The following GALNT13 variants were observed in gnomAD, a reference collection of about 807,000 sequenced individuals.
The protein encoded by GALNT13 is UDP-GalNAc:polypeptide N-acetylgalactosaminyltransferase 13.
GALNT13 carries 28 observed loss-of-function variants against 64.2 expected under a neutral mutation model. The observed-to-expected ratio is 0.44, with a 90% CI of 0.32 to 0.60. The LOEUF (loss-of-function observed/expected upper bound fraction) is 0.60. Ranked by LOEUF, GALNT13 falls within the 20% of genes least tolerant of loss-of-function variation. GALNT13 has a pLI of 0.05. For missense variants in GALNT13, 577 were observed against 669.8 expected, an observed-to-expected ratio of 0.86 and a Z score of 1.53; for synonymous variants, 214 against 224.6, an observed-to-expected ratio of 0.95 and a Z score of 0.42.
chr2:154,056,741 A>C (rs1237993914), intron 3 of GALNT13, among the ~76,000 whole-genome samples: 1 of 152,126 alleles, frequency 6.6e-6, no homozygotes, highest in East Asian at 1.9e-4. Flanking sequence ...GTTAGAGTTT[A>C]TATGTATCAT....
At chr2:153,535,144 G>C in the GALNT13 span, among the ~76,000 whole-genome samples, 1 of 152,018 alleles carries the variant, frequency 6.6e-6, no homozygotes, top group East Asian at 1.9e-4. Flanking sequence ...TGTGGTAAGG[G>C]GTGATATTGT....
chr2:154,185,961 T>A (rs887329478), intron 4 of GALNT13, among the ~76,000 whole-genome samples: 11 of 152,176 alleles, frequency 7.2e-5, no homozygotes, highest in Middle Eastern at 3.4e-3. Context: ...TTTACTTAAT[T>A]ATTACAGTCT....
At chr2:154,369,573 C>T (rs1697565394) in intron 9 of GALNT13, among the ~76,000 whole-genome samples, 1 of 151,968 alleles carries the variant, frequency 6.6e-6, no homozygotes, top group Admixed American at 6.6e-5. Flanking sequence ...ATATTTGGCC[C>T]CTCCAAAGTT....
At chr2:153,323,595 T>C in the GALNT13 span, among the ~76,000 whole-genome samples, 1 of 152,162 alleles carries the variant, frequency 6.6e-6, no homozygotes, top group Admixed American at 6.5e-5. Flanking sequence ...ATTGCCTAGG[T>C]TTTCTTCTAG....
chr2:154,131,946 C>A (rs1244490213), intron 3 of GALNT13, among the ~76,000 whole-genome samples: 1 of 152,158 alleles, frequency 6.6e-6, no homozygotes, highest in Non-Finnish European at 1.5e-5. Flanking sequence ...CTTGGAGTAC[C>A]ATGTTCGAGG....
chr2:154,422,955 C>T (rs963975679), intron 11 of GALNT13, among the ~76,000 whole-genome samples: 1 of 151,984 alleles, frequency 6.6e-6, no homozygotes, highest in Middle Eastern at 3.2e-3. Context: ...GGTACATGTG[C>T]ACAATGTGCA....
chr2:153,376,499 A>G, the GALNT13 span, among the ~76,000 whole-genome samples: 1 of 152,186 alleles, frequency 6.6e-6, no homozygotes, highest in African/African-American at 2.4e-5. Context: ...GGTGTCTGGT[A>G]TAAGATTGTT....
the GALNT13 span, among the ~76,000 whole-genome samples, chr2:153,630,341 G>C: frequency 5.9e-4 from 90 of 151,824 alleles, no homozygotes; most frequent in Non-Finnish European, 9.4e-4. Context: ...AGTTCATGTC[G>C]TTTGTAGGGA....
chr2:153,624,716 A>G, the GALNT13 span, among the ~76,000 whole-genome samples: 1 of 152,100 alleles, frequency 6.6e-6, no homozygotes, highest in Non-Finnish European at 1.5e-5. Context: ...ATAGCTTTCA[A>G]ACCTTGTGGT....
chr2:153,993,201 ATTAAG>A (rs1695279820), intron 3 of GALNT13, among the ~76,000 whole-genome samples: 1 of 152,194 alleles, frequency 6.6e-6, no homozygotes, highest in Non-Finnish European at 1.5e-5. Flanking sequence ...TATTGTATAT[ATTAAG>A]TTTTTATGTG....
chr2:153,316,228 G>A, the GALNT13 span, among the ~76,000 whole-genome samples: 2 of 152,016 alleles, frequency 1.3e-5, no homozygotes, highest in African/African-American at 4.8e-5. Context: ...ATATAAAATG[G>A]TATAACCAAT....
chr2:153,720,520 G>A, the GALNT13 span, among the ~76,000 whole-genome samples: 365 of 150,698 alleles, frequency 2.4e-3, 7 homozygotes, highest in Non-Finnish European at 8.5e-4. Context: ...TCTGAGCTAC[G>A]GGAGGACATT....
At chr2:154,433,701 T>C (rs1442385104) in intron 11 of GALNT13, among the ~76,000 whole-genome samples, 1 of 150,638 alleles carries the variant, frequency 6.6e-6, no homozygotes. Context: ...TACTAAACAG[T>C]ATATTCTAAT....
intron 12 of GALNT13, among the ~76,000 whole-genome samples, chr2:154,445,578 A>T (rs1236484504): frequency 6.6e-6 from 1 of 151,962 alleles, no homozygotes; most frequent in Non-Finnish European, 1.5e-5. Flanking sequence ...AGTTAACAAT[A>T]TTATTTATAG....
the GALNT13 span, among the ~76,000 whole-genome samples, chr2:153,714,582 T>C: frequency 2.6e-5 from 4 of 152,180 alleles, no homozygotes; most frequent in African/African-American, 9.7e-5. Context: ...CTGGAACTGT[T>C]AAGCTTAAAC....
chr2:153,499,143 G>A, the GALNT13 span, among the ~76,000 whole-genome samples: 1 of 152,180 alleles, frequency 6.6e-6, no homozygotes, highest in African/African-American at 2.4e-5. Context: ...GAGCCATTGT[G>A]CCTGGCCAGG....
chr2:153,395,296 G>A, the GALNT13 span, among the ~76,000 whole-genome samples: 12 of 152,158 alleles, frequency 7.9e-5, no homozygotes, highest in Non-Finnish European at 1.3e-4. Context: ...CAGAGAATGA[G>A]TATTTTGAGG....
At chr2:153,893,329 T>C (rs1402991422) in intron 1 of GALNT13, among the ~76,000 whole-genome samples, 1 of 152,132 alleles carries the variant, frequency 6.6e-6, no homozygotes, top group Non-Finnish European at 1.5e-5. Flanking sequence ...GCCTAACTTA[T>C]AGCTGTGTAA....
At chr2:154,414,307 C>T (rs969944682) in intron 11 of GALNT13, among the ~76,000 whole-genome samples, 1 of 152,092 alleles carries the variant, frequency 6.6e-6, no homozygotes, top group Non-Finnish European at 1.5e-5. Context: ...TTACAATGAT[C>T]TTTGAAGTAG....
Sources: gnomAD v4.1 joint callset for allele counts (sites outside exome capture counted in the v4.1 genomes callset) on GRCh38, gnomAD v4.1.1 for gene constraint, MANE v1.5 for transcripts, NCBI Gene and HGNC (gene_info 2026-07-23, HGNC 2026-07-21) for gene names.